SYNE2: variants seen among roughly 807,000 people sequenced by gnomAD.
SYNE2 encodes the protein nesprin-2.
In SYNE2, 431 loss-of-function variants were observed where a neutral mutation model predicts 856.3. The ratio of observed to expected loss-of-function variants is 0.50; its 90% CI spans 0.47 to 0.55. The LOEUF is 0.55. SYNE2 is among the 20% of genes least tolerant of loss of function. The pLI is 0.00. For synonymous variants in SYNE2, 2,923 were observed against 2,872.3 expected, an observed-to-expected ratio of 1.02 and a Z score of -0.56; for missense variants, 8,129 against 8,023.2, an observed-to-expected ratio of 1.01 and a Z score of -0.50.
chr14:64,010,246 C>T (rs1275054246), intron 32 of SYNE2, 130 bp downstream of exon 32: 1 of 1,013,150 alleles, frequency 9.9e-7, no homozygotes, highest in Non-Finnish European at 1.5e-6. Flanking sequence ...CCTATTTTAC[C>T]AGGTATCTAA....
At chr14:64,224,940 T>TA (rs759393250) in intron 114 of SYNE2, 59 bp from the exon 115 acceptor site, 15 of 1,425,068 alleles carry the variant, frequency 1.1e-5, no homozygotes, top group South Asian at 4.7e-5. Flanking sequence ...TTTTTTTTTT[T>TA]ATCATTGATA....
intron 1 of SYNE2, among the ~76,000 whole-genome samples, chr14:63,819,541 CTT>C (rs576041925): frequency 5.2e-5 from 7 of 134,606 alleles, no homozygotes; most frequent in Admixed American, 1.5e-4. Context: ...AATTTTATTT[CTT>C]TTTTTTTTTT....
chr14:63,790,060 A>G (rs1487932207), intron 1 of SYNE2, among the ~76,000 whole-genome samples: 1 of 152,186 alleles, frequency 6.6e-6, no homozygotes, highest in Admixed American at 6.6e-5. Context: ...GTAGAAATTA[A>G]GGGATTGGCC....
chr14:64,177,329 T>C, intron 95 of SYNE2, 29 bp from the exon 96 acceptor site: 1 of 1,613,932 alleles, frequency 6.2e-7, no homozygotes, highest in Non-Finnish European at 8.5e-7. Flanking sequence ...AGCAAAATAC[T>C]TACCAGTTTT....
At chr14:64,134,013 A>T in intron 77 of SYNE2, 56 bp from the exon 78 acceptor site, 1 of 1,601,998 alleles carries the variant, frequency 6.2e-7, no homozygotes, top group Non-Finnish European at 8.5e-7. Flanking sequence ...TTATGTTGTT[A>T]TCTGGAACCA....
intron 41 of SYNE2, among the ~76,000 whole-genome samples, chr14:64,025,939 A>G (rs1462640538): frequency 6.6e-6 from 1 of 152,140 alleles, no homozygotes; most frequent in Non-Finnish European, 1.5e-5. Flanking sequence ...ATTATAATAA[A>G]TTTAAAAATT....
intron 10 of SYNE2, among the ~76,000 whole-genome samples, chr14:63,964,447 G>C (rs1016785574): frequency 1.1e-4 from 16 of 152,206 alleles, no homozygotes; most frequent in Non-Finnish European, 2.2e-4. Context: ...GATATTTACT[G>C]TCTTGCCCCT....
intron 83 of SYNE2, among the ~76,000 whole-genome samples, chr14:64,144,574 C>G (rs986802816): frequency 1.3e-5 from 2 of 152,160 alleles, no homozygotes; most frequent in East Asian, 1.9e-4. Flanking sequence ...TTAGCAGATA[C>G]TCAAAATAAA....
chr14:63,885,402 G>T (rs371292869), intron 1 of SYNE2, among the ~76,000 whole-genome samples: 5 of 152,108 alleles, frequency 3.3e-5, no homozygotes, highest in East Asian at 3.8e-4. Flanking sequence ...TTGTTTCCAG[G>T]TGGGGAGCAC....
At chr14:64,166,887 C>T (rs533998554) in intron 90 of SYNE2, 3 of 314,438 alleles carry the variant, frequency 9.5e-6, no homozygotes, top group African/African-American at 4.4e-5. Flanking sequence ...GAGCCGAGAT[C>T]ATGATACTGC....
rs368253874 is a variant in SYNE2, at chr14:64,140,109, G to A, written c.14976+36G>A. On this transcript the variant is annotated intron_variant, in intron 80 of 115. Transcript: ENST00000555002. ...ATAGCATATGTTCAGTTAATTACTG[G>A]TCAGAAATAAATATCAAGGAAAAAG... 20 of 1,594,250 alleles carry A rather than the reference G, an allele frequency of 1.3e-5. No homozygotes were observed. The African/African-American group carries it at 2.7e-4, about 21-fold the overall frequency.
At chr14:64,027,015 A>G (rs2096985741) in intron 42 of SYNE2, among the ~76,000 whole-genome samples, 2 of 152,240 alleles carry the variant, frequency 1.3e-5, no homozygotes, top group Non-Finnish European at 2.9e-5. Context: ...ATGTAATTCT[A>G]GTGAAAATTC....
At position 63,853,070 on chromosome 14, in the gene SYNE2, C is replaced by G. The variant is rs1395585548; in HGVS notation, c.-125C>G. The G allele has an allele frequency of 2.0e-5, 3 of 151,766 alleles. No homozygotes were observed. Among genetic ancestry groups the G allele is most frequent in the Non-Finnish European group, 4.4e-5 (3 of 67,934 alleles). 9.4% of individuals were successfully genotyped at this position (151,766 alleles called of 1,614,324 possible). Reference sequence around the variant, plus strand: ...GGGAGAGCGAGCAAAAGGCGCGATCCAGAGAGCCAGGCAAGCGGGGCGCCG... The same window carrying G: ...GGGAGAGCGAGCAAAAGGCGCGATCGAGAGAGCCAGGCAAGCGGGGCGCCG... On this transcript the variant is annotated 5_prime_UTR_variant, in exon 1 of 116. Transcript: ENST00000555002.
intron 92 of SYNE2, among the ~76,000 whole-genome samples, chr14:64,168,629 A>G (rs2098395054): frequency 6.6e-6 from 1 of 152,220 alleles, no homozygotes; most frequent in South Asian, 2.1e-4. Flanking sequence ...TACAGTGCCT[A>G]CCAAATCGTA....
intron 1 of SYNE2, among the ~76,000 whole-genome samples, chr14:63,846,039 T>A (rs1309254442): frequency 3.0e-5 from 4 of 135,084 alleles, no homozygotes; most frequent in African/African-American, 1.0e-4. Context: ...CCACCGTACC[T>A]GCCCTTTTTT....
At chr14:64,223,455 G>A (rs1229987626) in intron 113 of SYNE2, 75 bp downstream of exon 113, 2 of 1,563,384 alleles carry the variant, frequency 1.3e-6, no homozygotes, top group African/African-American at 1.4e-5. Context: ...TTGTAGCAAT[G>A]CTCTAAGACA....
chr14:64,147,943 T>G (rs774959330), intron 84 of SYNE2, among the ~76,000 whole-genome samples: 1 of 152,166 alleles, frequency 6.6e-6, no homozygotes, highest in Non-Finnish European at 1.5e-5. Flanking sequence ...CTACGGTAGT[T>G]TAGCCAATCC....
chr14:63,969,610 G>A (rs2153456533), intron 11 of SYNE2, among the ~76,000 whole-genome samples: 1 of 152,126 alleles, frequency 6.6e-6, no homozygotes, highest in African/African-American at 2.4e-5. Context: ...CAAAGTGCTA[G>A]GATTACAGGC....
At position 64,134,181 on chromosome 14, in the gene SYNE2, A is replaced by G; in HGVS notation, c.14627A>G (p.Glu4876Gly). ...GAAGAAACAGAGGAAAGATTAGTGG[A>G]AAGGATTTCATTTTACCAGGTATTT... Reference protein sequence around the residue: ...LVEETEERLVERISFYQQIKR... With the variant: ...LVEETEERLVGRISFYQQIKR... The change falls in exon 78 of 116, where the codon GAA becomes GGA. Residue 4876 changes from glutamate to glycine, a missense_variant. This residue lies in a region of SYNE2 where 5,410 missense variants were observed against 5,284.8 expected (regional missense o/e 1.02). Coordinates refer to ENST00000555002, the MANE Select transcript of SYNE2 (RefSeq NM_182914.3). 1 of 1,614,116 alleles carries G rather than the reference A, an allele frequency of 6.2e-7. No homozygotes were observed. The highest frequency in any genetic ancestry group is 8.5e-7 in the Non-Finnish European group (1 of 1,179,968).
Sources: allele counts gnomAD v4.1 joint callset (sites outside exome capture counted in the v4.1 genomes callset), GRCh38; gene constraint gnomAD v4.1.1; regional missense constraint gnomAD v4.1.1; transcripts MANE v1.5; gene names NCBI Gene and HGNC (gene_info 2026-07-23, HGNC 2026-07-21).